Variants in PDGFD observed in about 807,000 individuals in gnomAD.
The protein encoded by PDGFD is platelet-derived growth factor D.
A neutral mutation model predicts 44.7 loss-of-function variants in PDGFD; 30 were observed. The ratio of observed to expected loss-of-function variants is 0.67; its 90% CI spans 0.50 to 0.91. The LOEUF (loss-of-function observed/expected upper bound fraction) is 0.91. PDGFD is among the 40% of genes least tolerant of loss of function. The probability of loss-of-function intolerance (pLI) is 0.00; values close to 1 mark genes in which losing one functional copy is unlikely to be tolerated. For missense variants in PDGFD, 445 were observed against 457.8 expected (o/e 0.97, Z 0.25); for synonymous variants, 173 against 168.4 (o/e 1.03, Z -0.21).
At chr11:104,084,810 T>TATTATAAAATATATATTTTATAAG (rs1455683783) in intron 1 of PDGFD, among the ~76,000 whole-genome samples, 2 of 145,000 alleles carry the variant, frequency 1.4e-5, no homozygotes, top group African/African-American at 2.5e-5. Context: ...ATTTTATAAG[T>TATTATAAAATATATATTTTATAAG]ATTATAAAAT....
intron 6 of PDGFD, among the ~76,000 whole-genome samples, chr11:103,922,891 A>G (rs1045579265): frequency 6.6e-6 from 1 of 152,080 alleles, no homozygotes; most frequent in Non-Finnish European, 1.5e-5. Context: ...AAGAATCCTT[A>G]TCTCCAAAGA....
At chr11:103,951,903 C>T (rs1565293256) in intron 3 of PDGFD, among the ~76,000 whole-genome samples, 2 of 152,222 alleles carry the variant, frequency 1.3e-5, no homozygotes, top group African/African-American at 4.8e-5. Context: ...AGTGAAATCA[C>T]ACTCCGGAAT....
At chr11:104,002,146 C>T (rs1157322577) in intron 1 of PDGFD, among the ~76,000 whole-genome samples, 1 of 152,158 alleles carries the variant, frequency 6.6e-6, no homozygotes, top group East Asian at 1.9e-4. Context: ...CATTTCTGCT[C>T]GTTGAGTCTT....
chr11:104,034,027 G>T (rs570628621), intron 1 of PDGFD, among the ~76,000 whole-genome samples: 41 of 152,028 alleles, frequency 2.7e-4, no homozygotes, highest in Non-Finnish European at 4.9e-4. Flanking sequence ...TCTAAGTCAG[G>T]TCATCTTCCT....
intron 4 of PDGFD, among the ~76,000 whole-genome samples, chr11:103,944,739 A>G (rs1858643901): frequency 6.6e-6 from 1 of 152,174 alleles, no homozygotes; most frequent in Non-Finnish European, 1.5e-5. Context: ...CTCTTTAACC[A>G]ATCAAGGTCC....
intron 4 of PDGFD, among the ~76,000 whole-genome samples, chr11:103,947,416 A>C (rs1417958143): frequency 2.0e-5 from 3 of 151,046 alleles, no homozygotes; most frequent in Non-Finnish European, 4.4e-5. Flanking sequence ...AAAAATATTT[A>C]AGTTATTACC....
intron 1 of PDGFD, among the ~76,000 whole-genome samples, chr11:104,068,263 C>A (rs1440654714): frequency 2.0e-5 from 3 of 152,168 alleles, no homozygotes; most frequent in Middle Eastern, 3.4e-3. Context: ...TGTCTGGCTC[C>A]AAAGTTCTCA....
chr11:103,945,994 T>C (rs1436034079), intron 4 of PDGFD: 1 of 152,216 alleles, frequency 6.6e-6, no homozygotes, highest in Non-Finnish European at 1.5e-5. Context: ...TTTTGGTTTC[T>C]GAGGTAAATA....
At chr11:104,149,399 G>T (rs534678183) in intron 1 of PDGFD, among the ~76,000 whole-genome samples, 3 of 152,274 alleles carry the variant, frequency 2.0e-5, no homozygotes, top group African/African-American at 7.2e-5. Context: ...TGAAATAAAT[G>T]TGAGCTATAC....
chr11:104,058,099 C>T (rs1378762017), intron 1 of PDGFD, among the ~76,000 whole-genome samples: 2 of 152,032 alleles, frequency 1.3e-5, no homozygotes, highest in Non-Finnish European at 1.5e-5. Flanking sequence ...AAAGATTAGT[C>T]AGCAATTTAT....
intron 1 of PDGFD, among the ~76,000 whole-genome samples, chr11:104,130,000 GAA>G (rs34312271): frequency 1.6e-5 from 2 of 128,580 alleles, no homozygotes. Context: ...CAAGACCTCT[GAA>G]AAAAAAAAAA....
chr11:104,156,131 T>C (rs1862304149), intron 1 of PDGFD, among the ~76,000 whole-genome samples: 2 of 152,202 alleles, frequency 1.3e-5, no homozygotes, highest in South Asian at 4.1e-4. Flanking sequence ...TGTATACATA[T>C]TTCAAAACAT....
At chr11:104,009,449 T>C (rs912891306) in intron 1 of PDGFD, among the ~76,000 whole-genome samples, 3 of 151,472 alleles carry the variant, frequency 2.0e-5, no homozygotes, top group African/African-American at 7.3e-5. Flanking sequence ...ATTATTATTA[T>C]TATTATCATT....
At chr11:104,129,845 T>A (rs1407551712) in intron 1 of PDGFD, among the ~76,000 whole-genome samples, 1 of 151,372 alleles carries the variant, frequency 6.6e-6, no homozygotes, top group African/African-American at 2.4e-5. Flanking sequence ...CGTGCTTCTA[T>A]TAAATACAAA....
intron 1 of PDGFD, among the ~76,000 whole-genome samples, chr11:104,084,936 A>G (rs1447343892): frequency 9.4e-6 from 1 of 105,992 alleles, no homozygotes; most frequent in East Asian, 3.0e-4. Context: ...AATTACATAT[A>G]CATATATCAC....
intron 5 of PDGFD, among the ~76,000 whole-genome samples, chr11:103,932,085 G>C (rs1040790148): frequency 6.6e-6 from 1 of 152,090 alleles, no homozygotes; most frequent in Admixed American, 6.5e-5. Context: ...CCTTCTCTAT[G>C]TACTCACCAC....
At chr11:103,914,531 C>G (rs998892756) in intron 6 of PDGFD, among the ~76,000 whole-genome samples, 2 of 151,538 alleles carry the variant, frequency 1.3e-5, no homozygotes, top group Non-Finnish European at 2.9e-5. Flanking sequence ...CAAAGAGAAG[C>G]TGGTACTATT....
chr11:103,925,245 A>G (rs983740918), intron 6 of PDGFD, among the ~76,000 whole-genome samples: 1 of 152,130 alleles, frequency 6.6e-6, no homozygotes, highest in African/African-American at 2.4e-5. Flanking sequence ...TGCTATTGTG[A>G]ATAGTGCTGC....
At chr11:103,942,558 A>G (rs1858601415) in intron 5 of PDGFD, among the ~76,000 whole-genome samples, 1 of 152,112 alleles carries the variant, frequency 6.6e-6, no homozygotes, top group Non-Finnish European at 1.5e-5. Flanking sequence ...GTGCTCTCAC[A>G]CATCTCCAAA....
Sources: gnomAD v4.1 joint callset for allele counts (sites outside exome capture counted in the v4.1 genomes callset) on GRCh38, gnomAD v4.1.1 for gene constraint, MANE v1.5 for transcripts, NCBI Gene and HGNC (gene_info 2026-07-23, HGNC 2026-07-21) for gene names.